Variants in NCK1 observed in about 807,000 individuals in gnomAD.
NCK1 encodes the protein NCK adaptor protein 1, also known as SH2/SH3 adapter protein NCK1.
A neutral mutation model predicts 36.6 loss-of-function variants in NCK1; 19 were observed. The ratio of observed to expected loss-of-function variants is 0.52; its 90% CI spans 0.36 to 0.76. NCK1 has a LOEUF of 0.76. NCK1 is among the 30% of genes least tolerant of loss of function. The probability of loss-of-function intolerance (pLI) is 0.00; values close to 1 mark genes in which losing one functional copy is unlikely to be tolerated. For missense variants in NCK1, 358 were observed against 445.6 expected, an observed-to-expected ratio of 0.80 and a Z score of 1.77; for synonymous variants, 165 against 156.0, an observed-to-expected ratio of 1.06 and a Z score of -0.43.
At chr3:136,932,656 T>C (rs1348138786) in intron 2 of NCK1, among the ~76,000 whole-genome samples, 1 of 152,232 alleles carries the variant, frequency 6.6e-6, no homozygotes, top group African/African-American at 2.4e-5. Context: ...TTCTCTGATT[T>C]TCTGTTCCTT....
intron 2 of NCK1, among the ~76,000 whole-genome samples, chr3:136,944,080 G>GTTT (rs1020255834): frequency 3.4e-5 from 5 of 146,992 alleles, no homozygotes; most frequent in Admixed American, 3.4e-4. Context: ...GAGTGTGAGT[G>GTTT]GTGAAAAAGT....
intron 1 of NCK1, chr3:136,867,657 A>T (rs1341150393): frequency 6.6e-6 from 1 of 152,016 alleles, no homozygotes; most frequent in African/African-American, 2.4e-5. Context: ...GAATGTTGGA[A>T]TCCAACCTTG....
At chr3:136,924,073 G>T (rs1464638398) in intron 1 of NCK1, among the ~76,000 whole-genome samples, 1 of 152,172 alleles carries the variant, frequency 6.6e-6, no homozygotes, top group East Asian at 1.9e-4. Flanking sequence ...ATCAGTGGCA[G>T]GTAAAACCAT....
chr3:136,879,751 A>G (rs2108076417), intron 1 of NCK1, among the ~76,000 whole-genome samples: 2 of 152,258 alleles, frequency 1.3e-5, no homozygotes, highest in South Asian at 4.1e-4. Flanking sequence ...TCAGCAAAAT[A>G]TCACAAGGAC....
At chr3:136,866,495 C>G (rs572388780) in intron 1 of NCK1, among the ~76,000 whole-genome samples, 4 of 150,676 alleles carry the variant, frequency 2.7e-5, no homozygotes, top group African/African-American at 7.3e-5. Context: ...TTAGTAGAGA[C>G]GGGGTTTCTC....
intron 1 of NCK1, among the ~76,000 whole-genome samples, chr3:136,865,756 T>C (rs1225139428): frequency 6.6e-6 from 1 of 152,248 alleles, no homozygotes; most frequent in Non-Finnish European, 1.5e-5. Context: ...AGGCTAAATA[T>C]GACATTTAAA....
Position 136,890,382 on chromosome 3 carries a change from C to G in NCK1, c.-19+28029C>G, listed in dbSNP as rs1939208972. Among the ~76,000 whole-genome samples the G allele has an allele frequency of 2.0e-5, 3 of 152,132 alleles. No individual in the cohort carries two copies. The South Asian group carries it at 6.2e-4, about 32-fold the overall frequency. ...GCCCCAGTTCCCGCTGGCGCCTCTC[C>G]CTCTACACCTCCCCCCAAGCTGAGG... On this transcript the variant is annotated intron_variant, in intron 1 of 3. Coordinates refer to ENST00000481752, the MANE Select transcript of NCK1 (RefSeq NM_001291999.2).
chr3:136,899,288 C>T, intron 1 of NCK1: 1 of 247,232 alleles, frequency 4.0e-6, no homozygotes, highest in Non-Finnish European at 8.3e-6. Context: ...AAAGATAAAT[C>T]TCTTTTGGCG....
Position 136,927,844 on chromosome 3 carries a change from C to A in NCK1, c.-18-140C>A, listed in dbSNP as rs1034493248. On this transcript the variant is annotated intron_variant, in intron 1 of 3. Transcript: ENST00000481752. ...ATACAGTCACAGTCTCTTTAAATTA[C>A]TATTTGCCTCATGTATTTTTTTCCA... The A allele has an allele frequency of 6.2e-4, 416 of 666,432 alleles. 2 individuals carry two copies. The highest frequency in any genetic ancestry group is 8.2e-5 in the Non-Finnish European group (32 of 392,124). The allele number at this position is 666,432 out of a possible 1,614,324, so 41.3% of individuals were successfully genotyped here.
At chr3:136,929,738 A>C (rs1940344406) in intron 2 of NCK1, among the ~76,000 whole-genome samples, 3 of 152,206 alleles carry the variant, frequency 2.0e-5, no homozygotes, top group African/African-American at 7.2e-5. Context: ...TTTTAAGAGG[A>C]CACTGGTATC....
intron 1 of NCK1, among the ~76,000 whole-genome samples, chr3:136,915,542 G>GAGGC (rs1321978830): frequency 1.3e-5 from 2 of 152,152 alleles, no homozygotes; most frequent in East Asian, 3.8e-4. Flanking sequence ...ATGATAATGG[G>GAGGC]AGGCATGATA....
At chr3:136,909,889 C>T (rs1939789062) in intron 1 of NCK1, among the ~76,000 whole-genome samples, 1 of 152,130 alleles carries the variant, frequency 6.6e-6, no homozygotes, top group Admixed American at 6.5e-5. Context: ...TTAATACAGC[C>T]CACCTCACTT....
At chr3:136,922,221 G>A (rs1186616007) in intron 1 of NCK1, among the ~76,000 whole-genome samples, 1 of 152,170 alleles carries the variant, frequency 6.6e-6, no homozygotes, top group Non-Finnish European at 1.5e-5. Context: ...CCAATGTTTG[G>A]CCCTTACCCT....
intron 1 of NCK1, among the ~76,000 whole-genome samples, chr3:136,912,921 A>G (rs1433968695): frequency 6.6e-6 from 1 of 151,974 alleles, no homozygotes; most frequent in Non-Finnish European, 1.5e-5. Flanking sequence ...GCCTCCTAAA[A>G]TACAAGGATT....
At chr3:136,912,743 A>C (rs1939860179) in intron 1 of NCK1, among the ~76,000 whole-genome samples, 1 of 150,454 alleles carries the variant, frequency 6.6e-6, no homozygotes, top group African/African-American at 2.4e-5. Context: ...GCAGCCTCAA[A>C]CTCCTGGGCT....
intron 1 of NCK1, among the ~76,000 whole-genome samples, chr3:136,875,744 C>T (rs1348487729): frequency 3.4e-5 from 5 of 148,640 alleles, no homozygotes; most frequent in African/African-American, 9.9e-5. Flanking sequence ...GACAGATCAA[C>T]GAGACAGAAA....
chr3:136,897,638 A>C (rs1274793880), intron 1 of NCK1, among the ~76,000 whole-genome samples: 1 of 152,196 alleles, frequency 6.6e-6, no homozygotes, highest in African/African-American at 2.4e-5. Context: ...TCACTTGTTG[A>C]ATAGTTCGCA....
At chr3:136,946,710 A>G (rs548917711) in intron 3 of NCK1, among the ~76,000 whole-genome samples, 83 of 152,314 alleles carry the variant, frequency 5.4e-4, no homozygotes, top group African/African-American at 1.8e-3. Flanking sequence ...TCCTTATGAC[A>G]TAGGAAATCC....
chr3:136,934,487 T>G (rs1187299852), intron 2 of NCK1, among the ~76,000 whole-genome samples: 2 of 152,062 alleles, frequency 1.3e-5, no homozygotes, highest in Admixed American at 1.3e-4. Flanking sequence ...GGTTTCACCA[T>G]GTTGGCCAGG....
Sources: gnomAD v4.1 joint callset for allele counts (sites outside exome capture counted in the v4.1 genomes callset) on GRCh38, gnomAD v4.1.1 for gene constraint, MANE v1.5 for transcripts, NCBI Gene and HGNC (gene_info 2026-07-23, HGNC 2026-07-21) for gene names.